Variants in RGL1 observed in about 807,000 individuals in gnomAD.
RGL1 encodes ral guanine nucleotide dissociation stimulator like 1.
In RGL1, 24 loss-of-function variants were observed where a neutral mutation model predicts 95.2. The observed-to-expected ratio is 0.25, with a 90% CI of 0.18 to 0.35. RGL1 has a LOEUF of 0.35. Among genes scored for constraint, RGL1 ranks in the 10% least tolerant of loss-of-function variants. The pLI, the probability that RGL1 is intolerant of heterozygous loss-of-function variation, is 1.00. For missense variants in RGL1, 715 were observed against 936.3 expected (o/e 0.76, Z 3.08); for synonymous variants, 329 against 344.9 (o/e 0.95, Z 0.51).
intron 2 of RGL1, among the ~76,000 whole-genome samples, chr1:183,815,092 T>C (rs142305941): frequency 6.6e-6 from 1 of 151,994 alleles, no homozygotes; most frequent in Admixed American, 6.6e-5. Context: ...GCCAACATGG[T>C]GAAAACCCAC....
At position 183,644,643 on chromosome 1, in the gene RGL1, ATTTAT is replaced by A. The variant is rs767158232; in HGVS notation, c.-33+8156_-33+8160del. On this transcript the variant is annotated intron_variant, in intron 1 of 18. Transcript: ENST00000304685. Reference sequence around the variant, plus strand: ...GTTATGATGTGGCTTTCCTTTTAAAATTTATTTTATTTTATTTTTTTAATTTTTAA... The same window carrying A: ...GTTATGATGTGGCTTTCCTTTTAAAATTTATTTTATTTTTTTAATTTTTAA... Among the ~76,000 whole-genome samples, 10 of 152,050 alleles carry A rather than the reference ATTTAT, an allele frequency of 6.6e-5. No homozygotes were observed. In the East Asian group the frequency reaches 9.6e-4, roughly 15 times the overall value.
intron 2 of RGL1, among the ~76,000 whole-genome samples, chr1:183,826,080 G>C (rs937650048): frequency 6.8e-6 from 1 of 148,102 alleles, no homozygotes; most frequent in South Asian, 2.1e-4. Context: ...TTGAGACGGA[G>C]TCTCACTCTG....
chr1:183,883,325 C>G (rs1327011576), intron 5 of RGL1, among the ~76,000 whole-genome samples: 1 of 152,210 alleles, frequency 6.6e-6, no homozygotes, highest in African/African-American at 2.4e-5. Context: ...GCATTTCTAA[C>G]ACCAAAATGG....
intron 1 of RGL1, among the ~76,000 whole-genome samples, chr1:183,652,020 A>G (rs985980744): frequency 1.2e-4 from 18 of 152,228 alleles, no homozygotes; most frequent in African/African-American, 4.3e-4. Flanking sequence ...TACTGCTCAG[A>G]TTACAATTTC....
chr1:183,777,094 A>G (rs1015812439), intron 2 of RGL1, among the ~76,000 whole-genome samples: 1 of 152,240 alleles, frequency 6.6e-6, no homozygotes, highest in Non-Finnish European at 1.5e-5. Flanking sequence ...GCCAAAGTGT[A>G]TCAGTTCTGC....
At chr1:183,798,447 C>A (rs1258864799) in intron 2 of RGL1, among the ~76,000 whole-genome samples, 1 of 152,122 alleles carries the variant, frequency 6.6e-6, no homozygotes, top group African/African-American at 2.4e-5. Flanking sequence ...ATGAAACCAT[C>A]ACCACCATCA....
chr1:183,920,303 T>C (rs1012267799), intron 16 of RGL1, among the ~76,000 whole-genome samples: 3 of 152,192 alleles, frequency 2.0e-5, no homozygotes, highest in African/African-American at 7.2e-5. Flanking sequence ...CCAAAGTTGG[T>C]GGGATTACAG....
chr1:183,861,964 AG>A (rs1289778957), intron 3 of RGL1, among the ~76,000 whole-genome samples: 1 of 152,230 alleles, frequency 6.6e-6, no homozygotes, highest in East Asian at 1.9e-4. Context: ...CAAAGGACCT[AG>A]CCTGAACATT....
At chr1:183,898,508 A>G (rs1667833802) in intron 10 of RGL1, among the ~76,000 whole-genome samples, 1 of 152,256 alleles carries the variant, frequency 6.6e-6, no homozygotes, top group African/African-American at 2.4e-5. Context: ...GACTGTTAGC[A>G]TAAAGTGTGG....
intron 1 of RGL1, among the ~76,000 whole-genome samples, chr1:183,659,597 T>C (rs1436592233): frequency 6.6e-6 from 1 of 152,094 alleles, no homozygotes; most frequent in African/African-American, 2.4e-5. Flanking sequence ...TACCTGAAAG[T>C]GACGGGGAGA....
chr1:183,758,242 G>T (rs1658463252), intron 2 of RGL1, among the ~76,000 whole-genome samples: 1 of 151,728 alleles, frequency 6.6e-6, no homozygotes, highest in Non-Finnish European at 1.5e-5. Flanking sequence ...TGTCGCCCAG[G>T]CTGGAGTGCA....
chr1:183,844,024 C>T (rs1664249896), intron 2 of RGL1, among the ~76,000 whole-genome samples: 1 of 148,638 alleles, frequency 6.7e-6, no homozygotes, highest in Admixed American at 6.6e-5. Flanking sequence ...TGGGGTTTTA[C>T]TATGTTGGCC....
chr1:183,899,094 C>G (rs541306893), intron 10 of RGL1, among the ~76,000 whole-genome samples: 1 of 152,318 alleles, frequency 6.6e-6, no homozygotes, highest in Admixed American at 6.5e-5. Flanking sequence ...GTGCCTCCAC[C>G]TTCATTTCCA....
At chr1:183,899,884 A>G (rs548576450) in intron 10 of RGL1, among the ~76,000 whole-genome samples, 14 of 152,382 alleles carry the variant, frequency 9.2e-5, no homozygotes, top group African/African-American at 3.4e-4. Context: ...AAAGCAAAAC[A>G]TAAACCCCAC....
At chr1:183,797,243 C>A (rs901497769) in intron 2 of RGL1, among the ~76,000 whole-genome samples, 3 of 152,086 alleles carry the variant, frequency 2.0e-5, no homozygotes, top group Non-Finnish European at 2.9e-5. Context: ...GCAGGAGAAT[C>A]GCTTGAACCC....
chr1:183,719,079 G>A (rs1655822040), intron 1 of RGL1, among the ~76,000 whole-genome samples: 1 of 152,202 alleles, frequency 6.6e-6, no homozygotes, highest in South Asian at 2.1e-4. Flanking sequence ...GCTCTCAACT[G>A]TATAGTGCTG....
intron 2 of RGL1, among the ~76,000 whole-genome samples, chr1:183,784,268 C>G (rs902891125): frequency 2.0e-5 from 3 of 152,106 alleles, no homozygotes; most frequent in African/African-American, 7.2e-5. Flanking sequence ...AGGTAGGAGA[C>G]AAGTCTCAAG....
At chr1:183,762,747 C>T (rs1198993679) in intron 2 of RGL1, among the ~76,000 whole-genome samples, 1 of 152,134 alleles carries the variant, frequency 6.6e-6, no homozygotes, top group African/African-American at 2.4e-5. Flanking sequence ...ACAACAGATG[C>T]TGGAGAGGGT....
intron 2 of RGL1, among the ~76,000 whole-genome samples, chr1:183,749,698 C>T (rs937370888): frequency 5.9e-5 from 9 of 152,128 alleles, no homozygotes; most frequent in African/African-American, 2.2e-4. Context: ...GTGGCTGGTA[C>T]AGGTTTTTCC....
Sources: allele counts gnomAD v4.1 joint callset (sites outside exome capture counted in the v4.1 genomes callset), GRCh38; gene constraint gnomAD v4.1.1; transcripts MANE v1.5; gene names NCBI Gene and HGNC (gene_info 2026-07-23, HGNC 2026-07-21).